RABGAP1: variants seen among roughly 807,000 people sequenced by gnomAD.
The protein encoded by RABGAP1 is RAB GTPase activating protein 1.
RABGAP1 carries 23 observed loss-of-function variants against 137.6 expected under a neutral mutation model. The observed-to-expected ratio is 0.17, with a 90% confidence interval of 0.12 to 0.24. The LOEUF (loss-of-function observed/expected upper bound fraction) is 0.24. Ranked by LOEUF, RABGAP1 falls within the 10% of genes least tolerant of loss-of-function variation. RABGAP1 has a pLI of 1.00. For missense variants in RABGAP1, 906 were observed against 1,275.8 expected (o/e 0.71, Z 4.42); for synonymous variants, 451 against 450.7 (o/e 1.00, Z -0.01).
At chr9:123,091,515 C>T (rs1588406135) in intron 21 of RABGAP1, among the ~76,000 whole-genome samples, 2 of 152,250 alleles carry the variant, frequency 1.3e-5, no homozygotes, top group East Asian at 3.9e-4. Flanking sequence ...GATTCTAATG[C>T]CAGCTACTCT....
chr9:123,051,931 A>C (rs945505306), intron 13 of RABGAP1, among the ~76,000 whole-genome samples: 18 of 149,070 alleles, frequency 1.2e-4, no homozygotes, highest in Non-Finnish European at 3.0e-5. Flanking sequence ...AGCTGGGACT[A>C]CAGGCACCTG....
intron 2 of RABGAP1, among the ~76,000 whole-genome samples, chr9:122,976,864 C>G (rs1205548511): frequency 2.0e-5 from 3 of 151,990 alleles, no homozygotes; most frequent in Non-Finnish European, 4.4e-5. Context: ...TTAAGATCTC[C>G]CAGAGGAGAT....
chr9:122,997,212 G>T, intron 8 of RABGAP1, 47 bp from the exon 9 acceptor site: 1 of 1,434,284 alleles, frequency 7.0e-7, no homozygotes, highest in Non-Finnish European at 9.6e-7. Context: ...GTTAACTGTT[G>T]TTCACTCACT....
At chr9:122,969,131 T>C (rs1447569422) in intron 2 of RABGAP1, among the ~76,000 whole-genome samples, 1 of 152,192 alleles carries the variant, frequency 6.6e-6, no homozygotes. Context: ...TATTGTACCT[T>C]TTCTGTGTTT....
rs566271107 is a variant in RABGAP1, at chr9:123,089,606, C to T, written c.2425-152C>T. 1.1e-5 allele frequency: 7 copies of T among 623,938 alleles called. No homozygotes were observed. The African/African-American group carries it at 1.3e-4, about 11-fold the overall frequency. The allele number at this position is 623,938 out of a possible 1,614,324, so 38.7% of individuals were successfully genotyped here. A position where few individuals can be genotyped will look rare whatever the true frequency, so the allele number is the denominator to read the frequency against. ...TTTGGGGTCCTGGGCTTATACCCTA[C>T]TCTGATGATTTCCCTCCAAAAAAAT... On this transcript the variant is annotated intron_variant, in intron 19 of 25. Coordinates refer to ENST00000373647, the MANE Select transcript of RABGAP1 (RefSeq NM_012197.4).
intron 1 of RABGAP1, among the ~76,000 whole-genome samples, chr9:122,956,317 A>G (rs1322810411): frequency 6.6e-6 from 1 of 152,200 alleles, no homozygotes; most frequent in African/African-American, 2.4e-5. Flanking sequence ...TTTTAAATTT[A>G]AGTATCAATA....
chr9:122,994,111 T>C (rs1836893519), intron 6 of RABGAP1, among the ~76,000 whole-genome samples: 1 of 152,250 alleles, frequency 6.6e-6, no homozygotes, highest in African/African-American at 2.4e-5. Context: ...TGTACTTCAG[T>C]TTCTTATTTT....
chr9:123,035,704 T>TAGTG, intron 13 of RABGAP1: 1 of 847,100 alleles, frequency 1.2e-6, no homozygotes, highest in Non-Finnish European at 1.8e-6. Flanking sequence ...TAAGTATTCC[T>TAGTG]AATTCACTAG....
chr9:122,958,984 G>A (rs760067272), intron 2 of RABGAP1, among the ~76,000 whole-genome samples: 1 of 152,076 alleles, frequency 6.6e-6, no homozygotes, highest in Non-Finnish European at 1.5e-5. Flanking sequence ...ACTTCAGCCC[G>A]GGTGACAGAG....
At chr9:122,972,844 A>T (rs774675253) in intron 2 of RABGAP1, among the ~76,000 whole-genome samples, 15 of 152,104 alleles carry the variant, frequency 9.9e-5, no homozygotes, top group Admixed American at 4.6e-4. Context: ...TATAGAAAAC[A>T]TAAAGGTATG....
intron 2 of RABGAP1, among the ~76,000 whole-genome samples, chr9:122,975,633 A>G (rs1189258598): frequency 6.6e-6 from 1 of 152,184 alleles, no homozygotes; most frequent in Admixed American, 6.5e-5. Flanking sequence ...CTCAACTCTA[A>G]TAGGTGGATC....
chr9:122,948,100 A>G lies in RABGAP1; in HGVS notation c.-50+7007A>G, dbSNP rs575931023. On this transcript the variant is annotated intron_variant, in intron 1 of 25. Transcript: ENST00000373647. ...ACACACACAAACTGAAACTAATGCA[A>G]TGTGATTTTTTATAGCTTCTTTGTA... 6.6e-5 allele frequency among the ~76,000 whole-genome samples: 10 copies of G among 151,818 alleles called. No homozygotes were observed. The East Asian group carries it at 1.4e-3, about 21-fold the overall frequency.
At chr9:122,967,063 C>T (rs929408060) in intron 2 of RABGAP1, among the ~76,000 whole-genome samples, 1 of 152,164 alleles carries the variant, frequency 6.6e-6, no homozygotes, top group African/African-American at 2.4e-5. Flanking sequence ...CACAGCCAAA[C>T]CGTATCACTA....
At chr9:123,041,174 A>G (rs1234864044) in intron 13 of RABGAP1, among the ~76,000 whole-genome samples, 1 of 152,206 alleles carries the variant, frequency 6.6e-6, no homozygotes, top group African/African-American at 2.4e-5. Context: ...AATACTTCCA[A>G]CACTGTAAGA....
chr9:122,984,415 G>A, intron 2 of RABGAP1, 70 bp from the exon 3 acceptor site: 1 of 1,250,706 alleles, frequency 8.0e-7, no homozygotes, highest in Non-Finnish European at 1.1e-6. Flanking sequence ...TCTTTAGAAT[G>A]TGAACCCATT....
At position 122,991,503 on chromosome 9, in the gene RABGAP1, G is replaced by C. The variant is rs1467905753; in HGVS notation, c.923+1290G>C. Among the ~76,000 whole-genome samples, 4 of 152,048 alleles carry C rather than the reference G, an allele frequency of 2.6e-5. No individual in the cohort carries two copies. The East Asian group carries it at 7.7e-4, about 29-fold the overall frequency. Reference sequence around the variant, plus strand: ...GACTTTGGAATTGTCATGCCATCTGGTGGCCAATTTAGTGTACAGTGCAGC... The same window carrying C: ...GACTTTGGAATTGTCATGCCATCTGCTGGCCAATTTAGTGTACAGTGCAGC... On this transcript the variant is annotated intron_variant, in intron 6 of 25. Coordinates refer to ENST00000373647, the MANE Select transcript of RABGAP1 (RefSeq NM_012197.4).
intron 13 of RABGAP1, among the ~76,000 whole-genome samples, chr9:123,052,170 A>G (rs2033512282): frequency 6.6e-6 from 1 of 152,112 alleles, no homozygotes; most frequent in South Asian, 2.1e-4. Flanking sequence ...ATAAGAGAAT[A>G]TTTTCACTTT....
chr9:122,958,604 A>G (rs539199432), intron 2 of RABGAP1, among the ~76,000 whole-genome samples: 6 of 152,268 alleles, frequency 3.9e-5, no homozygotes, highest in African/African-American at 1.4e-4. Flanking sequence ...CGACAAGTTA[A>G]TGGGTGCAGC....
chr9:123,078,448 G>C (rs2034590813), intron 19 of RABGAP1, among the ~76,000 whole-genome samples: 1 of 151,718 alleles, frequency 6.6e-6, no homozygotes, highest in Admixed American at 6.5e-5. Context: ...GTGCCTGGTA[G>C]TTAGTAAGGG....
Sources: gnomAD v4.1 joint callset for allele counts (sites outside exome capture counted in the v4.1 genomes callset) on GRCh38, gnomAD v4.1.1 for gene constraint, MANE v1.5 for transcripts, NCBI Gene and HGNC (gene_info 2026-07-23, HGNC 2026-07-21) for gene names.